The following ZNF331 variants were observed in gnomAD, a reference collection of about 807,000 sequenced individuals.
ZNF331 encodes the protein C2H2-like zinc finger protein rearranged in thyroid adenomas.
A neutral mutation model predicts 7.0 loss-of-function variants in ZNF331; 2 were observed. The ratio of observed to expected loss-of-function variants is 0.29; its 90% CI spans 0.12 to 0.90. The LOEUF (loss-of-function observed/expected upper bound fraction) is 0.90. ZNF331 is among the 40% of genes least tolerant of loss of function. The pLI, the probability that ZNF331 is intolerant of heterozygous loss-of-function variation, is 0.58. For missense variants in ZNF331, 432 were observed against 587.7 expected, an observed-to-expected ratio of 0.74 and a Z score of 2.74; for synonymous variants, 196 against 205.4, an observed-to-expected ratio of 0.95 and a Z score of 0.39.
At chr19:53,506,771 ATGTGT>A in the ZNF331 span, among the ~76,000 whole-genome samples, 2 of 152,074 alleles carry the variant, frequency 1.3e-5, no homozygotes, top group South Asian at 4.1e-4. Context: ...GTAGGAATTG[ATGTGT>A]TGTGTGTTTT....
At chr19:53,555,664 C>G (rs2147467618) in intron 2 of ZNF331, 181 bp from the exon 3 acceptor site, 1 of 152,338 alleles carries the variant, frequency 6.6e-6, no homozygotes, top group South Asian at 2.1e-4. Context: ...AGAATTCCTC[C>G]TGTAGAGGGA....
chr19:53,509,821 AAG>A, the ZNF331 span, among the ~76,000 whole-genome samples: 10 of 152,202 alleles, frequency 6.6e-5, no homozygotes, highest in African/African-American at 2.4e-4. Flanking sequence ...TTATACAGAA[AAG>A]AGACTTAACT....
At chr19:53,503,338 C>T in the ZNF331 span, 4 of 392,536 alleles carry the variant, frequency 1.0e-5, no homozygotes, top group Middle Eastern at 8.3e-4. Flanking sequence ...CATCACGTTC[C>T]CTGCAGGATC....
At chr19:53,553,628 C>T (rs1478863796) in intron 2 of ZNF331, among the ~76,000 whole-genome samples, 1 of 152,196 alleles carries the variant, frequency 6.6e-6, no homozygotes, top group African/African-American at 2.4e-5. Context: ...CTGCAACATC[C>T]TGTAGACCCT....
intron 2 of ZNF331, among the ~76,000 whole-genome samples, chr19:53,541,928 A>G (rs2088205181): frequency 1.3e-5 from 2 of 151,882 alleles, no homozygotes; most frequent in South Asian, 4.2e-4. Context: ...TGGGAGGATC[A>G]CTTGGGCTTA....
intron 3 of ZNF331, among the ~76,000 whole-genome samples, chr19:53,568,281 G>A (rs1234584218): frequency 6.6e-6 from 1 of 152,010 alleles, no homozygotes; most frequent in Non-Finnish European, 1.5e-5. Context: ...TGAAGTCCAG[G>A]AGGGTTCCAG....
chr19:53,553,595 A>G (rs2089156880), intron 2 of ZNF331, among the ~76,000 whole-genome samples: 1 of 146,208 alleles, frequency 6.8e-6, no homozygotes, highest in East Asian at 1.9e-4. Flanking sequence ...TTGAGTCAAA[A>G]TGAGACTGTG....
At chr19:53,559,485 C>T (rs960520371) in intron 3 of ZNF331, among the ~76,000 whole-genome samples, 2 of 147,816 alleles carry the variant, frequency 1.4e-5, no homozygotes, top group African/African-American at 5.0e-5. Flanking sequence ...ATGCACACAC[C>T]ATATATATGC....
intron 2 of ZNF331, chr19:53,554,575 C>T (rs2089246793): frequency 6.6e-6 from 1 of 152,160 alleles, no homozygotes; most frequent in African/African-American, 2.4e-5. Flanking sequence ...GACGCGGCGG[C>T]TCTATCTCCC....
chr19:53,528,195 G>A (rs184108573), intron 2 of ZNF331, among the ~76,000 whole-genome samples: 1 of 152,278 alleles, frequency 6.6e-6, no homozygotes, highest in Admixed American at 6.5e-5. Context: ...TGGTAAAGAG[G>A]GAACATTTTC....
upstream of ZNF331, among the ~76,000 whole-genome samples, chr19:53,520,438 C>A (rs1485854871): frequency 6.6e-6 from 1 of 152,182 alleles, no homozygotes; most frequent in Non-Finnish European, 1.5e-5. Context: ...CTGTAGGCCC[C>A]TAGAGCCTGA....
At chr19:53,548,738 G>A (rs934798795) in intron 2 of ZNF331, among the ~76,000 whole-genome samples, 1 of 152,176 alleles carries the variant, frequency 6.6e-6, no homozygotes, top group African/African-American at 2.4e-5. Context: ...TCATTGCCAA[G>A]GGCGATGTGA....
At chr19:53,522,095 TG>T (rs982356725) in intron 1 of ZNF331, 2 of 152,086 alleles carry the variant, frequency 1.3e-5, no homozygotes, top group Non-Finnish European at 2.9e-5. Context: ...GTACCTGACA[TG>T]GGAGGCGGGG....
intron 2 of ZNF331, among the ~76,000 whole-genome samples, chr19:53,532,010 G>A (rs1398344263): frequency 1.3e-5 from 2 of 151,848 alleles, no homozygotes; most frequent in Admixed American, 1.3e-4. Flanking sequence ...AACAAATTAT[G>A]TGCTTATTAT....
In ZNF331 at chr19:53,579,675, A is replaced by T; in HGVS notation, c.*1723A>T. On this transcript the variant is annotated 3_prime_UTR_variant, in exon 6 of 6. Coordinates refer to ENST00000449416, the MANE Select transcript of ZNF331 (RefSeq NM_001079906.2). ...ACCATTGAGTCTTCTAGAAGAAAACATTAAGAGATTATTGGCACAGCCGTG... is the reference window on the plus strand; with the variant it reads ...ACCATTGAGTCTTCTAGAAGAAAACTTTAAGAGATTATTGGCACAGCCGTG... 1 of 199,708 alleles carries T rather than the reference A, an allele frequency of 5.0e-6. No homozygotes were observed. The highest frequency in any genetic ancestry group is 1.0e-5 in the Non-Finnish European group (1 of 96,708). The allele number at this position is 199,708 out of a possible 1,614,324, so 12.4% of individuals were successfully genotyped here. A position where few individuals can be genotyped will look rare whatever the true frequency, so the allele number is the denominator to read the frequency against.
intron 2 of ZNF331, among the ~76,000 whole-genome samples, chr19:53,529,401 TAA>T (rs61435436): frequency 6.9e-6 from 1 of 144,950 alleles, no homozygotes; most frequent in Admixed American, 6.9e-5. Flanking sequence ...CTCTGTCTTT[TAA>T]AAAAAAAAAA....
At chr19:53,538,053 T>G (rs1266699265), upstream of ZNF331, 1 of 152,360 alleles carries the variant, frequency 6.6e-6, no homozygotes, top group Admixed American at 6.5e-5. Context: ...CACATGCGTG[T>G]CGGGCTCTGC....
At chr19:53,559,221 CATAT>C (rs952895920) in intron 3 of ZNF331, among the ~76,000 whole-genome samples, 23 of 150,028 alleles carry the variant, frequency 1.5e-4, no homozygotes, top group African/African-American at 5.4e-4. Context: ...TATAGAGACA[CATAT>C]ATACACACCA....
intron 2 of ZNF331, among the ~76,000 whole-genome samples, chr19:53,545,154 C>G (rs2088508728): frequency 6.6e-6 from 1 of 152,136 alleles, no homozygotes; most frequent in African/African-American, 2.4e-5. Flanking sequence ...AATAACTTAC[C>G]TAGAAAAAAA....
Sources: allele counts gnomAD v4.1 joint callset (sites outside exome capture counted in the v4.1 genomes callset), GRCh38; gene constraint gnomAD v4.1.1; transcripts MANE v1.5; gene names NCBI Gene and HGNC (gene_info 2026-07-23, HGNC 2026-07-21).